UNC79: variants seen among roughly 807,000 people sequenced by gnomAD.
The protein encoded by UNC79 is unc-79 subunit of NALCN channel complex, also known as protein unc-79 homolog.
A neutral mutation model predicts 283.1 loss-of-function variants in UNC79; 37 were observed. That is an observed-to-expected ratio of 0.13 (90% CI 0.10 to 0.17). UNC79 has a LOEUF of 0.17. Among genes scored for constraint, UNC79 ranks in the 10% least tolerant of loss-of-function variants. The pLI, the probability that UNC79 is intolerant of heterozygous loss-of-function variation, is 1.00. For missense variants in UNC79, 2,272 were observed against 3,211.1 expected (o/e 0.71, Z 7.07); for synonymous variants, 1,107 against 1,200.2 (o/e 0.92, Z 1.61).
chr14:93,632,658 C>T (rs1450676298), intron 31 of UNC79, among the ~76,000 whole-genome samples: 1 of 151,120 alleles, frequency 6.6e-6, no homozygotes, highest in Non-Finnish European at 1.5e-5. Flanking sequence ...GTGATTGTGC[C>T]ACTCCACTCC....
chr14:93,558,535 G>A (rs1179217334), intron 14 of UNC79, among the ~76,000 whole-genome samples: 2 of 146,022 alleles, frequency 1.4e-5, no homozygotes, highest in Non-Finnish European at 3.0e-5. Flanking sequence ...CAGCCTGGGG[G>A]ACAGAGCAAG....
chr14:93,464,822 G>T (rs2057100627), intron 1 of UNC79, among the ~76,000 whole-genome samples: 1 of 152,106 alleles, frequency 6.6e-6, no homozygotes, highest in Non-Finnish European at 1.5e-5. Flanking sequence ...TGAGGCTGCT[G>T]GATGCTCACA....
chr14:93,409,264 A>G (rs1308715374), intron 1 of UNC79, among the ~76,000 whole-genome samples: 2 of 152,232 alleles, frequency 1.3e-5, no homozygotes, highest in East Asian at 1.9e-4. Flanking sequence ...CTGTATCTCA[A>G]TAATAATTAA....
chr14:93,484,678 G>A (rs1566982892), intron 4 of UNC79, among the ~76,000 whole-genome samples: 1 of 152,038 alleles, frequency 6.6e-6, no homozygotes, highest in Non-Finnish European at 1.5e-5. Flanking sequence ...TATAGTCTTG[G>A]CTTTTTACAC....
chr14:93,365,759 A>G (rs1346119198), intron 1 of UNC79, among the ~76,000 whole-genome samples: 1 of 152,218 alleles, frequency 6.6e-6, no homozygotes, highest in Non-Finnish European at 1.5e-5. Flanking sequence ...AAAAGGGCAC[A>G]TGGAATATAG....
Position 93,557,314 on chromosome 14 carries a change from G to A in UNC79, c.1756-14580G>A, listed in dbSNP as rs151046184. 5.5e-3 allele frequency among the ~76,000 whole-genome samples: 841 copies of A among 152,274 alleles called. 4 individuals carry two copies. The highest frequency in any genetic ancestry group is 9.1e-3 in the Non-Finnish European group (616 of 68,024). On this transcript the variant is annotated intron_variant, in intron 14 of 48. Transcript: ENST00000555664. ...TGCTGTTGTGGGAGTGTCTTTGCCG[G>A]TATCTTAGGCTGTTTCCTCAACTGT...
intron 24 of UNC79, among the ~76,000 whole-genome samples, chr14:93,599,927 C>T (rs375215736): frequency 1.1e-3 from 174 of 152,202 alleles, no homozygotes; most frequent in African/African-American, 4.1e-3. Context: ...TGCAGCTGGG[C>T]GTGGTGGCTC....
intron 7 of UNC79, among the ~76,000 whole-genome samples, chr14:93,515,023 C>A (rs1158670832): frequency 1.3e-5 from 2 of 152,094 alleles, no homozygotes; most frequent in Non-Finnish European, 2.9e-5. Context: ...CTCGTACATC[C>A]TTTTATGCAT....
chr14:93,646,951 T>G (rs535428591), intron 35 of UNC79, among the ~76,000 whole-genome samples: 1 of 152,368 alleles, frequency 6.6e-6, no homozygotes, highest in East Asian at 1.9e-4. Flanking sequence ...TTTCTGTTCA[T>G]GCCTTTATTC....
At position 93,486,656 on chromosome 14, in the gene UNC79, G is replaced by GAAA. The variant is rs374088349; in HGVS notation, c.620-1007_620-1006insAAA. Among the ~76,000 whole-genome samples, 425 of 78,242 alleles carry GAAA rather than the reference G, an allele frequency of 5.4e-3. 19 individuals carry two copies. The highest frequency in any genetic ancestry group is 0.015 in the African/African-American group (359 of 23,910). 51.3% of individuals were successfully genotyped at this position (78,242 alleles called of 152,430 possible). A position where few individuals can be genotyped will look rare whatever the true frequency, so the allele number is the denominator to read the frequency against. On this transcript the variant is annotated intron_variant, in intron 4 of 48. Coordinates refer to ENST00000555664, the Ensembl canonical transcript of UNC79. ...GCAACAAGAGTGAGACTCTGTCTAA[G>GAAA]GAAAAAAAAAAAAAAAAAAAAAGAA...
chr14:93,571,976 A>G lies in UNC79; in HGVS notation c.1838A>G (p.Tyr613Cys). The change falls in exon 15 of 49, where the codon TAT becomes TGT. Residue 613 changes from tyrosine (Y) to cysteine (C), a missense_variant. Tyr to Cys is a radical substitution (Grantham distance 194, BLOSUM62 -2). Around this residue, in one of 11 missense-constraint regions of UNC79, gnomAD observed 356 missense variants for 416.2 expected, o/e 0.86. Coordinates refer to ENST00000555664, the Ensembl canonical transcript of UNC79. ...AACCGAATCCTCTGCCTGATCCCCTATAATGTGATCAATCAATCTGTCTGG... is the reference window on the plus strand; with the variant it reads ...AACCGAATCCTCTGCCTGATCCCCTGTAATGTGATCAATCAATCTGTCTGG... 3 of 1,614,228 alleles carry G rather than the reference A, an allele frequency of 1.9e-6. No homozygotes were observed. Among genetic ancestry groups the G allele is most frequent in the Non-Finnish European group, 2.5e-6 (3 of 1,180,018 alleles).
intron 22 of UNC79, among the ~76,000 whole-genome samples, chr14:93,593,227 C>A (rs910609942): frequency 6.6e-6 from 1 of 152,144 alleles, no homozygotes; most frequent in Non-Finnish European, 1.5e-5. Context: ...GATTGATGAC[C>A]TGTCTGTTCT....
At chr14:93,378,664 T>G (rs1366641483) in intron 1 of UNC79, among the ~76,000 whole-genome samples, 3 of 152,220 alleles carry the variant, frequency 2.0e-5, no homozygotes, top group Non-Finnish European at 4.4e-5. Context: ...AGCTCTATTT[T>G]AATTGCAGCC....
At chr14:93,362,248 T>G (rs572729155) in intron 1 of UNC79, among the ~76,000 whole-genome samples, 20 of 152,348 alleles carry the variant, frequency 1.3e-4, no homozygotes, top group African/African-American at 4.8e-4. Context: ...TTGAAATAGT[T>G]TCAGTAGGAC....
At chr14:93,649,195 A>G (rs1488753504) in intron 35 of UNC79, among the ~76,000 whole-genome samples, 1 of 152,228 alleles carries the variant, frequency 6.6e-6, no homozygotes, top group Admixed American at 6.5e-5. Flanking sequence ...AGCAGGTCCT[A>G]CAAACATAAG....
intron 1 of UNC79, among the ~76,000 whole-genome samples, chr14:93,362,473 C>G (rs527601098): frequency 3.3e-5 from 5 of 152,170 alleles, no homozygotes; most frequent in Non-Finnish European, 5.9e-5. Context: ...CTCAGCCTCC[C>G]AAGTAGCTAG....
At chr14:93,462,278 G>C (rs917389207) in intron 1 of UNC79, among the ~76,000 whole-genome samples, 1 of 152,100 alleles carries the variant, frequency 6.6e-6, no homozygotes, top group Non-Finnish European at 1.5e-5. Flanking sequence ...TGCATCCCAG[G>C]CTGGGTGACA....
intron 1 of UNC79, among the ~76,000 whole-genome samples, chr14:93,357,928 TATATATGGATATATGGAG>T (rs1417698420): frequency 1.7e-4 from 8 of 46,462 alleles, no homozygotes; most frequent in Admixed American, 5.8e-4. Flanking sequence ...TATATATAGA[TATATATGGATATATGGAG>T]ATATATATCT....
At chr14:93,417,582 G>A (rs1386368237) in intron 1 of UNC79, among the ~76,000 whole-genome samples, 1 of 152,136 alleles carries the variant, frequency 6.6e-6, no homozygotes, top group Non-Finnish European at 1.5e-5. Flanking sequence ...TTGCCAGATT[G>A]GGGAAGTTCT....
Sources: allele counts gnomAD v4.1 joint callset (sites outside exome capture counted in the v4.1 genomes callset), GRCh38; gene constraint gnomAD v4.1.1; regional missense constraint gnomAD v4.1.1; transcripts MANE v1.5; gene names NCBI Gene and HGNC (gene_info 2026-07-23, HGNC 2026-07-21).